Variants in POC1B observed in about 807,000 individuals in gnomAD.
The protein encoded by POC1B is POC1 centriolar protein B.
POC1B carries 44 observed loss-of-function variants against 60.6 expected under a neutral mutation model. That is an observed-to-expected ratio of 0.73 (90% CI 0.57 to 0.93). POC1B has a LOEUF of 0.93. Ranked by LOEUF, POC1B falls within the 40% of genes least tolerant of loss-of-function variation. The pLI, the probability that POC1B is intolerant of heterozygous loss-of-function variation, is 0.00. For missense variants in POC1B, 555 were observed against 572.3 expected (o/e 0.97, Z 0.31); for synonymous variants, 180 against 198.9 (o/e 0.90, Z 0.80).
At chr12:89,435,990 G>A (rs1321329869) in intron 10 of POC1B, among the ~76,000 whole-genome samples, 1 of 151,486 alleles carries the variant, frequency 6.6e-6, no homozygotes, top group Non-Finnish European at 1.5e-5. Flanking sequence ...ATGTCGCCAG[G>A]CTGGAATGTA....
At chr12:89,519,195 C>T (rs1870642973) in intron 2 of POC1B, among the ~76,000 whole-genome samples, 1 of 152,172 alleles carries the variant, frequency 6.6e-6, no homozygotes, top group Non-Finnish European at 1.5e-5. Context: ...TTCTAGTTTG[C>T]TCATGAGTAG....
intron 2 of POC1B, among the ~76,000 whole-genome samples, chr12:89,502,853 T>C (rs1384696090): frequency 6.6e-6 from 1 of 152,162 alleles, no homozygotes; most frequent in Non-Finnish European, 1.5e-5. Flanking sequence ...TACTGGGGAT[T>C]CGTTCTATGT....
chr12:89,495,066 C>A (rs1019126925), intron 3 of POC1B, among the ~76,000 whole-genome samples: 1 of 152,186 alleles, frequency 6.6e-6, no homozygotes, highest in East Asian at 1.9e-4. Context: ...CCCGTTGCCA[C>A]GATCCACCAT....
chr12:89,415,662 A>T (rs1376058340), downstream of POC1B, among the ~76,000 whole-genome samples: 2 of 150,954 alleles, frequency 1.3e-5, no homozygotes, highest in Non-Finnish European at 2.9e-5. Flanking sequence ...AAAAATAATA[A>T]AGAAAATAAT....
At chr12:89,432,788 T>A (rs566803068) in intron 10 of POC1B, among the ~76,000 whole-genome samples, 5 of 152,248 alleles carry the variant, frequency 3.3e-5, no homozygotes, top group Non-Finnish European at 5.9e-5. Context: ...ATTGGAAATA[T>A]ATGATTCTAG....
At chr12:89,433,743 C>T (rs1307435735) in intron 10 of POC1B, among the ~76,000 whole-genome samples, 1 of 152,156 alleles carries the variant, frequency 6.6e-6, no homozygotes, top group Non-Finnish European at 1.5e-5. Flanking sequence ...ACAAAGGACT[C>T]GGATAGTCAC....
chr12:89,523,209 A>T, intron 2 of POC1B: 1 of 1,614,022 alleles, frequency 6.2e-7, no homozygotes, highest in Non-Finnish European at 8.5e-7. Flanking sequence ...TACTGCGAAT[A>T]GCCCCATGCC....
chr12:89,466,397 T>A (rs1882686550), intron 9 of POC1B, among the ~76,000 whole-genome samples: 2 of 152,192 alleles, frequency 1.3e-5, no homozygotes, highest in African/African-American at 4.8e-5. Context: ...AAAAGAGTTT[T>A]AAGCTACCTA....
At chr12:89,489,817 C>T (rs965342492) in intron 4 of POC1B, among the ~76,000 whole-genome samples, 4 of 152,216 alleles carry the variant, frequency 2.6e-5, no homozygotes, top group South Asian at 2.1e-4. Flanking sequence ...ATGCCTAGAA[C>T]ATATGTTTGT....
Position 89,422,915 on chromosome 12 carries a change from T to C in POC1B, c.1333-1658A>G, listed in dbSNP as rs149912030. On this transcript the variant is annotated intron_variant, in intron 11 of 11. Coordinates refer to ENST00000313546, the MANE Select transcript of POC1B (RefSeq NM_172240.3). ...ATAGCTTTTGCCTTCATATTTTATA[T>C]TATCTATAGATCATTACTAATGAAA... 2.6e-3 allele frequency among the ~76,000 whole-genome samples: 402 copies of C among 152,336 alleles called. 1 individual carries two copies. Among genetic ancestry groups the C allele is most frequent in the African/African-American group, 9.2e-3 (384 of 41,580 alleles).
chr12:89,402,618 C>A, the POC1B span, among the ~76,000 whole-genome samples: 1 of 152,090 alleles, frequency 6.6e-6, no homozygotes, highest in African/African-American at 2.4e-5. Flanking sequence ...TCAGAACATG[C>A]GGTATTTGGT....
chr12:89,419,744 T>C lies in POC1B; in HGVS notation c.*1409A>G, dbSNP rs1238996663. The C allele has an allele frequency of 6.6e-6, 1 of 152,302 alleles. No homozygotes were observed. The highest frequency in any genetic ancestry group is 2.4e-5 in the African/African-American group (1 of 41,536). The allele number at this position is 152,302 out of a possible 1,614,324, so 9.4% of individuals were successfully genotyped here. A position where few individuals can be genotyped will look rare whatever the true frequency, so the allele number is the denominator to read the frequency against. On this transcript the variant is annotated 3_prime_UTR_variant, in exon 12 of 12. Coordinates refer to ENST00000313546, the MANE Select transcript of POC1B (RefSeq NM_172240.3). ...TTTTCTTTTAAAGCAGAAATGTCTT[T>C]ATTGTTTGAAGCATGACAAAATAAA...
At chr12:89,465,045 T>C (rs906311452) in intron 9 of POC1B, among the ~76,000 whole-genome samples, 12 of 152,130 alleles carry the variant, frequency 7.9e-5, no homozygotes, top group African/African-American at 2.4e-4. Flanking sequence ...TAGAGTGCAA[T>C]TGAACTCTAA....
chr12:89,513,474 G>T (rs1287842149), intron 2 of POC1B, among the ~76,000 whole-genome samples: 1 of 152,190 alleles, frequency 6.6e-6, no homozygotes. Context: ...CAACTTCAAT[G>T]TTAAAATTAT....
At chr12:89,446,716 T>C (rs963679172) in intron 10 of POC1B, among the ~76,000 whole-genome samples, 2 of 150,100 alleles carry the variant, frequency 1.3e-5, no homozygotes, top group Non-Finnish European at 3.0e-5. Context: ...ACTTAAAGTG[T>C]AATTAAAAAA....
chr12:89,415,381 C>T (rs1167544042), downstream of POC1B, among the ~76,000 whole-genome samples: 1 of 152,266 alleles, frequency 6.6e-6, no homozygotes, highest in Middle Eastern at 3.4e-3. Flanking sequence ...CGGTGGCTCA[C>T]GCCTGTAATC....
rs987565138 is a variant in POC1B at position 89,446,081 on chromosome 12, G to T, written c.1113+13557C>A. Among the ~76,000 whole-genome samples the T allele has an allele frequency of 5.9e-5, 9 of 152,190 alleles. No homozygotes were observed. In the East Asian group the frequency reaches 1.7e-3, roughly 29 times the overall value. On this transcript the variant is annotated intron_variant, in intron 10 of 11. Transcript: ENST00000313546. ...ACCATCTCACACCAGTTAGAATGGC[G>T]ATCATTAAAAAGTCAGGAAACAACA...
At chr12:89,415,250 T>C (rs183097324), downstream of POC1B, among the ~76,000 whole-genome samples, 83 of 152,348 alleles carry the variant, frequency 5.4e-4, no homozygotes, top group Non-Finnish European at 1.1e-3. Context: ...CACACATTTA[T>C]TCACTACCAC....
At chr12:89,410,968 C>A in the POC1B span, among the ~76,000 whole-genome samples, 1 of 152,140 alleles carries the variant, frequency 6.6e-6, no homozygotes, top group Non-Finnish European at 1.5e-5. Context: ...CATTCCTATA[C>A]ACCAATAATA....
Sources: allele counts gnomAD v4.1 joint callset (sites outside exome capture counted in the v4.1 genomes callset), GRCh38; gene constraint gnomAD v4.1.1; transcripts MANE v1.5; gene names NCBI Gene and HGNC (gene_info 2026-07-23, HGNC 2026-07-21).